DR1: variants seen among roughly 807,000 people sequenced by gnomAD.
The protein encoded by DR1 is down-regulator of transcription 1, also known as protein Dr1.
A neutral mutation model predicts 19.9 loss-of-function variants in DR1; 7 were observed. The observed-to-expected ratio is 0.35, with a 90% CI of 0.20 to 0.66. The LOEUF (loss-of-function observed/expected upper bound fraction) is 0.66. Ranked by LOEUF, DR1 falls within the 30% of genes least tolerant of loss-of-function variation. The pLI, the probability that DR1 is intolerant of heterozygous loss-of-function variation, is 0.66. For missense variants in DR1, 98 were observed against 203.7 expected, an observed-to-expected ratio of 0.48 and a Z score of 3.16; for synonymous variants, 76 against 72.5, an observed-to-expected ratio of 1.05 and a Z score of -0.24.
rs541979592 is a variant in DR1 at position 93,356,209 on chromosome 1, A to G, written c.384+2138A>G. Among the ~76,000 whole-genome samples the G allele has an allele frequency of 8.9e-5, 13 of 145,840 alleles. No individual in the cohort carries two copies. In the South Asian group the frequency reaches 2.3e-3, roughly 26 times the overall value. ...AAATGTTCAATTTGTGGAAATGAAT[A>G]CAAATAAAATTTTATCAATCAACTT... On this transcript the variant is annotated intron_variant, in intron 2 of 2. Coordinates refer to ENST00000370272, the MANE Select transcript of DR1 (RefSeq NM_001938.3).
rs1198977435 is a variant in DR1 at position 93,368,696 on chromosome 1, A to G, written c.*8057A>G. 2 of 152,186 alleles carry G rather than the reference A, an allele frequency of 1.3e-5. No individual in the cohort carries two copies. The highest frequency in any genetic ancestry group is 2.9e-5 in the Non-Finnish European group (2 of 68,022). The allele number at this position is 152,186 out of a possible 1,614,324, so 9.4% of individuals were successfully genotyped here. A position where few individuals can be genotyped will look rare whatever the true frequency, so the allele number is the denominator to read the frequency against. ...TAGTGTGGTTAAGCTATGAAGAACA[A>G]TGGTATTTATTTCCAAAACACTTAT... On this transcript the variant is annotated 3_prime_UTR_variant, in exon 3 of 3. Coordinates refer to ENST00000370272, the MANE Select transcript of DR1 (RefSeq NM_001938.3).
At chr1:93,359,544 A>G (rs942805674) in intron 2 of DR1, among the ~76,000 whole-genome samples, 5 of 152,218 alleles carry the variant, frequency 3.3e-5, no homozygotes, top group African/African-American at 1.2e-4. Context: ...TTAGCTATGC[A>G]TAAAGGGGAG....
At chr1:93,358,210 G>T (rs1667012752) in intron 2 of DR1, among the ~76,000 whole-genome samples, 1 of 152,128 alleles carries the variant, frequency 6.6e-6, no homozygotes, top group Non-Finnish European at 1.5e-5. Context: ...CAACTAGTAA[G>T]CAATTATCTT....
rs778143872 is a variant in DR1 at position 93,366,935 on chromosome 1, G to A, written c.*6296G>A. ...GAGGATCCCTTGAGCCTGGGAGGTC[G>A]AGGCTGCAGTGAGCCATGATCACGC... On this transcript the variant is annotated 3_prime_UTR_variant, in exon 3 of 3. Coordinates refer to ENST00000370272, the MANE Select transcript of DR1 (RefSeq NM_001938.3). 2 of 152,160 alleles carry A rather than the reference G, an allele frequency of 1.3e-5. No individual in the cohort carries two copies. The highest frequency in any genetic ancestry group is 1.9e-4 in the East Asian group (1 of 5,192). The allele number at this position is 152,160 out of a possible 1,614,324, so 9.4% of individuals were successfully genotyped here. A position where few individuals can be genotyped will look rare whatever the true frequency, so the allele number is the denominator to read the frequency against.
In DR1 at chr1:93,362,860, T is replaced by C. The variant is rs1667075028; in HGVS notation, c.*2221T>C. 1 of 107,740 alleles carries C rather than the reference T, an allele frequency of 9.3e-6. No individual in the cohort carries two copies. Among genetic ancestry groups the C allele is most frequent in the Non-Finnish European group, 2.0e-5 (1 of 49,566 alleles). The allele number at this position is 107,740 out of a possible 1,614,324, so 6.7% of individuals were successfully genotyped here. A position where few individuals can be genotyped will look rare whatever the true frequency, so the allele number is the denominator to read the frequency against. ...TTTTTTTTTTTTTTTTTTTTAGCAT[T>C]TAAGAGTCACTATTATGTTTTGCCA... On this transcript the variant is annotated 3_prime_UTR_variant, in exon 3 of 3. Transcript: ENST00000370272.
chr1:93,347,247 A>C (rs766634789), intron 1 of DR1, among the ~76,000 whole-genome samples: 1 of 152,248 alleles, frequency 6.6e-6, no homozygotes, highest in Non-Finnish European at 1.5e-5. Context: ...AGGAACTTCA[A>C]CGTGGGTGGA....
At chr1:93,360,111 G>A (rs1161805036) in intron 2 of DR1, among the ~76,000 whole-genome samples, 1 of 152,134 alleles carries the variant, frequency 6.6e-6, no homozygotes, top group Admixed American at 6.5e-5. Context: ...TGAGGGTACA[G>A]AAGAGTCAAG....
intron 1 of DR1, among the ~76,000 whole-genome samples, chr1:93,347,984 CT>C (rs1253627412): frequency 6.6e-6 from 1 of 151,992 alleles, no homozygotes; most frequent in Non-Finnish European, 1.5e-5. Flanking sequence ...TATAATTTAA[CT>C]TTTTAAAATG....
chr1:93,350,860 A>G lies in DR1; in HGVS notation c.221-3048A>G, dbSNP rs373912012. Among the ~76,000 whole-genome samples, 50 of 152,372 alleles carry G rather than the reference A, an allele frequency of 3.3e-4. No individual in the cohort carries two copies. The South Asian group carries it at 9.5e-3, about 29-fold the overall frequency. On this transcript the variant is annotated intron_variant, in intron 1 of 2. Coordinates refer to ENST00000370272, the MANE Select transcript of DR1 (RefSeq NM_001938.3). ...TTGGAAAGATGAGATCCTTAGAAATAGGGCCATGAATAGTCCATAAGGTCT... is the reference window on the plus strand; with the variant it reads ...TTGGAAAGATGAGATCCTTAGAAATGGGGCCATGAATAGTCCATAAGGTCT...
At position 93,362,299 on chromosome 1, in the gene DR1, G is replaced by A. The variant is rs1667064852; in HGVS notation, c.*1660G>A. 6.6e-6 allele frequency: 1 copy of A among 152,434 alleles called. No individual in the cohort carries two copies. Among genetic ancestry groups the A allele is most frequent in the South Asian group, 2.1e-4 (1 of 4,828 alleles). 9.4% of individuals were successfully genotyped at this position (152,434 alleles called of 1,614,324 possible). On this transcript the variant is annotated 3_prime_UTR_variant, in exon 3 of 3. Transcript: ENST00000370272. ...GATAGAAGAAATTGTTTTTTAAAAA[G>A]TTTAAGTACCAAAGGTAGTCTAGTC...
chr1:93,357,612 A>G (rs1378912113), intron 2 of DR1, among the ~76,000 whole-genome samples: 17 of 152,214 alleles, frequency 1.1e-4, no homozygotes, highest in Non-Finnish European at 1.5e-5. Flanking sequence ...CTGTCCTACC[A>G]CAGAGGCATT....
Position 93,362,151 on chromosome 1 carries a change from G to C in DR1, c.*1512G>C, listed in dbSNP as rs1208642609. 6.6e-6 allele frequency: 1 copy of C among 152,334 alleles called. No individual in the cohort carries two copies. The highest frequency in any genetic ancestry group is 2.4e-5 in the African/African-American group (1 of 41,386). 9.4% of individuals were successfully genotyped at this position (152,334 alleles called of 1,614,324 possible). ...ATCATATTTTGCAGTTTTAGTAAAA[G>C]GGAAATATTGTTATACATTTATTAA... On this transcript the variant is annotated 3_prime_UTR_variant, in exon 3 of 3. Coordinates refer to ENST00000370272, the MANE Select transcript of DR1 (RefSeq NM_001938.3).
chr1:93,356,638 G>A (rs1332380847), intron 2 of DR1, among the ~76,000 whole-genome samples: 1 of 151,784 alleles, frequency 6.6e-6, no homozygotes, highest in East Asian at 1.9e-4. Context: ...ACTTGTAGTT[G>A]ATTAGACCAC....
intron 2 of DR1, chr1:93,354,899 A>G (rs1666960047): frequency 6.6e-6 from 1 of 152,198 alleles, no homozygotes; most frequent in African/African-American, 2.4e-5. Context: ...AAAAACTTAC[A>G]TTTATTGAGT....
At chr1:93,347,218 A>G (rs1666859514) in intron 1 of DR1, among the ~76,000 whole-genome samples, 1 of 152,224 alleles carries the variant, frequency 6.6e-6, no homozygotes, top group Admixed American at 6.5e-5. Context: ...TCTCCTTTGG[A>G]AAGTTAAAAT....
chr1:93,350,490 C>T (rs1382901824), intron 1 of DR1, among the ~76,000 whole-genome samples: 3 of 151,992 alleles, frequency 2.0e-5, no homozygotes, highest in Admixed American at 6.6e-5. Flanking sequence ...CTGTATATCA[C>T]GTAATTTTAC....
chr1:93,350,966 G>A (rs751831147), intron 1 of DR1, among the ~76,000 whole-genome samples: 49 of 152,122 alleles, frequency 3.2e-4, no homozygotes, highest in Non-Finnish European at 5.7e-4. Flanking sequence ...GTAAACATAC[G>A]AATTTATGGT....
At chr1:93,351,917 C>T (rs1666917053) in intron 1 of DR1, among the ~76,000 whole-genome samples, 1 of 152,004 alleles carries the variant, frequency 6.6e-6, no homozygotes, top group South Asian at 2.1e-4. Flanking sequence ...TATGAGGGTA[C>T]TCTTTTAAAT....
At position 93,364,595 on chromosome 1, in the gene DR1, A is replaced by G. The variant is rs1179281734; in HGVS notation, c.*3956A>G. The G allele has an allele frequency of 2.0e-5, 3 of 152,050 alleles. No individual in the cohort carries two copies. Among genetic ancestry groups the G allele is most frequent in the Non-Finnish European group, 4.4e-5 (3 of 68,014 alleles). The allele number at this position is 152,050 out of a possible 1,614,324, so 9.4% of individuals were successfully genotyped here. On this transcript the variant is annotated 3_prime_UTR_variant, in exon 3 of 3. Transcript: ENST00000370272. ...TGCCTCTGTCCCCAACAATTTGACCACAAGTCCTACCCCACCTCCTCTGTT... is the reference window on the plus strand; with the variant it reads ...TGCCTCTGTCCCCAACAATTTGACCGCAAGTCCTACCCCACCTCCTCTGTT...
Sources: gnomAD v4.1 joint callset for allele counts (sites outside exome capture counted in the v4.1 genomes callset) on GRCh38, gnomAD v4.1.1 for gene constraint, MANE v1.5 for transcripts, NCBI Gene and HGNC (gene_info 2026-07-23, HGNC 2026-07-21) for gene names.